ATF3: variants seen among roughly 807,000 people sequenced by gnomAD.
ATF3 encodes cyclic AMP-dependent transcription factor ATF-3.
ATF3 carries 10 observed loss-of-function variants against 18.4 expected under a neutral mutation model. The observed-to-expected ratio is 0.54, with a 90% CI of 0.34 to 0.92. The LOEUF (loss-of-function observed/expected upper bound fraction) is 0.92. ATF3 is among the 40% of genes least tolerant of loss of function. ATF3 has a pLI of 0.02. For missense variants in ATF3, 183 were observed against 222.3 expected (o/e 0.82, Z 1.12); for synonymous variants, 78 against 87.9 (o/e 0.89, Z 0.63).
chr1:212,585,552 CAT>C (rs1209604011), intron 1 of ATF3, among the ~76,000 whole-genome samples: 6 of 152,306 alleles, frequency 3.9e-5, no homozygotes, highest in East Asian at 3.9e-4. Flanking sequence ...TTTATGAAGA[CAT>C]GTGGTTTTAA....
chr1:212,606,456 G>A (rs531006490), upstream of ATF3, among the ~76,000 whole-genome samples: 3 of 152,306 alleles, frequency 2.0e-5, no homozygotes, highest in Admixed American at 6.5e-5. Context: ...ACCCGACCGG[G>A]GTGTTGGGGG....
intron 1 of ATF3, among the ~76,000 whole-genome samples, chr1:212,585,639 T>C (rs907765867): frequency 6.6e-6 from 1 of 152,196 alleles, no homozygotes; most frequent in African/African-American, 2.4e-5. Context: ...TAATCGATTA[T>C]ATTTTGTAAT....
chr1:212,573,680 C>T (rs559081877), intron 1 of ATF3, among the ~76,000 whole-genome samples: 20 of 151,940 alleles, frequency 1.3e-4, no homozygotes, highest in African/African-American at 4.6e-4. Context: ...GATTTTTTTC[C>T]TGTAAAGTTT....
chr1:212,586,169 G>A (rs1402709042), intron 1 of ATF3, among the ~76,000 whole-genome samples: 1 of 152,098 alleles, frequency 6.6e-6, no homozygotes, highest in Non-Finnish European at 1.5e-5. Flanking sequence ...ACAGGATTCT[G>A]GGGGAAGTTA....
At chr1:212,584,986 C>G (rs1664751154) in intron 1 of ATF3, among the ~76,000 whole-genome samples, 1 of 152,154 alleles carries the variant, frequency 6.6e-6, no homozygotes, top group Non-Finnish European at 1.5e-5. Context: ...TGCCCATTCT[C>G]CAGCCCTGTG....
intron 1 of ATF3, among the ~76,000 whole-genome samples, chr1:212,585,638 A>C (rs1351241150): frequency 6.6e-6 from 1 of 152,170 alleles, no homozygotes; most frequent in African/African-American, 2.4e-5. Context: ...GTAATCGATT[A>C]TATTTTGTAA....
chr1:212,567,261 G>A (rs1664399868), intron 1 of ATF3, among the ~76,000 whole-genome samples: 1 of 151,988 alleles, frequency 6.6e-6, no homozygotes, highest in Non-Finnish European at 1.5e-5. Context: ...TGACTCATCT[G>A]ACATTAACAT....
At chr1:212,592,087 C>G (rs1184644600) in intron 1 of ATF3, among the ~76,000 whole-genome samples, 1 of 152,172 alleles carries the variant, frequency 6.6e-6, no homozygotes, top group African/African-American at 2.4e-5. Flanking sequence ...CAACCATCAC[C>G]ACCATCTGTC....
At chr1:212,611,897 T>C (rs1654908808) in intron 1 of ATF3, among the ~76,000 whole-genome samples, 1 of 152,240 alleles carries the variant, frequency 6.6e-6, no homozygotes, top group Non-Finnish European at 1.5e-5. Flanking sequence ...TGAACAATTT[T>C]ATGATCAGCA....
intron 1 of ATF3, among the ~76,000 whole-genome samples, chr1:212,597,841 A>G (rs778843480): frequency 1.3e-5 from 2 of 152,216 alleles, no homozygotes; most frequent in Non-Finnish European, 2.9e-5. Flanking sequence ...AACTGAGCTT[A>G]TTGAAGATTA....
chr1:212,596,474 G>A (rs1000402429), intron 1 of ATF3, among the ~76,000 whole-genome samples: 2 of 152,226 alleles, frequency 1.3e-5, no homozygotes, highest in African/African-American at 4.8e-5. Flanking sequence ...AGTTGTGTGG[G>A]AGTTCATTGC....
intron 1 of ATF3, among the ~76,000 whole-genome samples, chr1:212,609,807 CTG>C (rs1434272910): frequency 6.6e-6 from 1 of 152,222 alleles, no homozygotes. Context: ...TGCCAGGACT[CTG>C]AGCGCTTACA....
rs534452845 is a variant in ATF3 at position 212,596,813 on chromosome 1, C to T, written c.-4-18205C>T. Among the ~76,000 whole-genome samples, 274 of 152,370 alleles carry T rather than the reference C, an allele frequency of 1.8e-3. 2 individuals are homozygous for T. The highest frequency in any genetic ancestry group is 6.3e-3 in the African/African-American group (263 of 41,598). Reference sequence around the variant, plus strand: ...GAATGCTGAAGAGATAACACTGGTTCTTCTGAATTGAGAATCTCTTTGAAT... The same window carrying T: ...GAATGCTGAAGAGATAACACTGGTTTTTCTGAATTGAGAATCTCTTTGAAT... On this transcript the variant is annotated intron_variant, in intron 1 of 3. Transcript: ENST00000366981.
chr1:212,619,714 T>C lies in ATF3; in HGVS notation c.*159T>C. The C allele has an allele frequency of 1.0e-6, 1 of 974,922 alleles. No individual in the cohort carries two copies. The highest frequency in any genetic ancestry group is 1.5e-6 in the Non-Finnish European group (1 of 667,292). The allele number at this position is 974,922 out of a possible 1,614,324, so 60.4% of individuals were successfully genotyped here. A position where few individuals can be genotyped will look rare whatever the true frequency, so the allele number is the denominator to read the frequency against. The stretch of plus-strand genomic sequence containing the variant: ...GGGCCTGCAGTGATTCAGCAGGCCC[T>C]TCCCATTCTGCCCCAGAGTGGGTCT... On this transcript the variant is annotated 3_prime_UTR_variant, in exon 4 of 4. Coordinates refer to ENST00000341491, the MANE Select transcript of ATF3 (RefSeq NM_001674.4). The surrounding 1 kb of genome is among the most constrained non-coding windows in gnomAD (Gnocchi z 4.4).
chr1:212,596,243 C>T (rs1382225772), intron 1 of ATF3, among the ~76,000 whole-genome samples: 2 of 152,208 alleles, frequency 1.3e-5, no homozygotes. Flanking sequence ...TTCTACTGCA[C>T]ACTAAGGCTA....
intron 1 of ATF3, among the ~76,000 whole-genome samples, chr1:212,601,188 T>A (rs1654474543): frequency 6.6e-6 from 1 of 152,152 alleles, no homozygotes; most frequent in South Asian, 2.1e-4. Flanking sequence ...AGAATAAAAG[T>A]CCAAAAAGCC....
intron 1 of ATF3, among the ~76,000 whole-genome samples, chr1:212,612,977 A>T (rs553505767): frequency 3.3e-5 from 5 of 152,268 alleles, no homozygotes; most frequent in African/African-American, 1.2e-4. Flanking sequence ...TCAATTCCTC[A>T]TAGGATATTA....
At chr1:212,571,698 C>T (rs187161265) in intron 1 of ATF3, among the ~76,000 whole-genome samples, 33 of 149,492 alleles carry the variant, frequency 2.2e-4, no homozygotes, top group Non-Finnish European at 3.7e-4. Flanking sequence ...ACGTGAACCA[C>T]CGCGCCCAGC....
intron 1 of ATF3, among the ~76,000 whole-genome samples, chr1:212,611,085 A>G (rs908845389): frequency 6.6e-6 from 1 of 152,224 alleles, no homozygotes; most frequent in African/African-American, 2.4e-5. Context: ...TTACCCAGCC[A>G]GGGGAGGAGG....
Sources: allele counts gnomAD v4.1 joint callset (sites outside exome capture counted in the v4.1 genomes callset), GRCh38; gene constraint gnomAD v4.1.1; non-coding constraint Gnocchi (gnomAD v3.1); transcripts MANE v1.5; gene names NCBI Gene and HGNC (gene_info 2026-07-23, HGNC 2026-07-21).